The following SORCS1 variants were observed in gnomAD, a reference collection of about 807,000 sequenced individuals.
SORCS1 encodes VPS10 domain-containing receptor SorCS1.
SORCS1 carries 60 observed loss-of-function variants against 146.1 expected under a neutral mutation model. That is an observed-to-expected ratio of 0.41 (90% CI 0.33 to 0.51). The LOEUF (loss-of-function observed/expected upper bound fraction) is 0.51. Ranked by LOEUF, SORCS1 falls within the 20% of genes least tolerant of loss-of-function variation. The pLI is 0.21. For synonymous variants in SORCS1, 637 were observed against 584.0 expected (o/e 1.09, Z -1.31); for missense variants, 1,352 against 1,487.6 (o/e 0.91, Z 1.50).
the SORCS1 span, among the ~76,000 whole-genome samples, chr10:107,176,564 T>C: frequency 6.6e-6 from 1 of 152,042 alleles, no homozygotes; most frequent in African/African-American, 2.4e-5. Context: ...GGTCTTCAAC[T>C]CCTGGTCTCA....
At chr10:107,126,584 G>A (rs766666260) in intron 1 of SORCS1, among the ~76,000 whole-genome samples, 5 of 152,104 alleles carry the variant, frequency 3.3e-5, no homozygotes, top group Non-Finnish European at 7.4e-5. Flanking sequence ...CCTTTGGGAT[G>A]AAGTCAGAAA....
At chr10:107,018,214 G>A (rs1004349067) in intron 1 of SORCS1, among the ~76,000 whole-genome samples, 3 of 151,152 alleles carry the variant, frequency 2.0e-5, no homozygotes, top group Non-Finnish European at 2.9e-5. Context: ...CCGCTCCGTC[G>A]CCCAGGCTGG....
intron 2 of SORCS1, among the ~76,000 whole-genome samples, chr10:106,956,079 G>A (rs1438502154): frequency 4.0e-5 from 6 of 151,574 alleles, no homozygotes; most frequent in African/African-American, 7.3e-5. Flanking sequence ...GCGCTGAGCC[G>A]AGATGCGCCA....
intron 5 of SORCS1, 40 bp downstream of exon 5, chr10:106,761,548 G>A: frequency 6.4e-7 from 1 of 1,551,620 alleles, no homozygotes. Flanking sequence ...TATCTGACTA[G>A]GTCATATCTT....
At chr10:106,669,947 C>T (rs750704695) in intron 16 of SORCS1, among the ~76,000 whole-genome samples, 2 of 152,178 alleles carry the variant, frequency 1.3e-5, no homozygotes, top group Non-Finnish European at 2.9e-5. Context: ...TGTGTATGTA[C>T]ACAGTATCTC....
chr10:106,874,474 A>T (rs1179113389), intron 2 of SORCS1, among the ~76,000 whole-genome samples: 1 of 152,240 alleles, frequency 6.6e-6, no homozygotes, highest in Non-Finnish European at 1.5e-5. Flanking sequence ...ATACTCAATA[A>T]AACAAGCAAG....
intron 1 of SORCS1, among the ~76,000 whole-genome samples, chr10:107,136,766 GGTT>G (rs1429434926): frequency 9.9e-5 from 15 of 152,140 alleles, no homozygotes; most frequent in African/African-American, 3.6e-4. Context: ...AGGAGTACCA[GGTT>G]TCAAGCACAC....
At chr10:107,163,878 C>T in intron 1 of SORCS1, 91 bp downstream of exon 1, 8 of 1,418,496 alleles carry the variant, frequency 5.6e-6, no homozygotes, top group Non-Finnish European at 7.6e-6. Context: ...TCCAGAAACC[C>T]TATTTCCCCC....
chr10:106,933,754 G>A (rs1046884410), intron 2 of SORCS1, among the ~76,000 whole-genome samples: 2 of 152,048 alleles, frequency 1.3e-5, no homozygotes, highest in African/African-American at 4.8e-5. Flanking sequence ...TAGAGCACAC[G>A]GAGCATCATT....
intron 17 of SORCS1, among the ~76,000 whole-genome samples, chr10:106,664,973 C>T (rs1054353169): frequency 3.9e-5 from 6 of 151,962 alleles, no homozygotes; most frequent in African/African-American, 1.2e-4. Flanking sequence ...TCATTTTTTT[C>T]CTCCATGGTA....
At chr10:106,727,323 T>C (rs1856274228) in intron 6 of SORCS1, among the ~76,000 whole-genome samples, 1 of 152,204 alleles carries the variant, frequency 6.6e-6, no homozygotes, top group African/African-American at 2.4e-5. Context: ...TACATGTAGA[T>C]GCCATGGCAT....
chr10:106,994,973 G>T (rs111989057), intron 1 of SORCS1, among the ~76,000 whole-genome samples: 6 of 152,064 alleles, frequency 3.9e-5, no homozygotes, highest in Non-Finnish European at 7.4e-5. Context: ...ATAACTGAAC[G>T]TCGGAAAATA....
Position 107,037,767 on chromosome 10 carries a change from C to T in SORCS1, c.559-81187G>A, listed in dbSNP as rs535599045. ...AGAAACTTGCTCATCAAGAGCCAAA[C>T]CAAATTTCAAAGGGAGAAACTTTCT... is the stretch of plus-strand genomic sequence containing the variant. On this transcript the variant is annotated intron_variant, in intron 1 of 25. Transcript: ENST00000263054. Among the ~76,000 whole-genome samples the T allele has an allele frequency of 6.6e-5, 10 of 152,318 alleles. 1 individual carries two copies. Among genetic ancestry groups the T allele is most frequent in the African/African-American group, 2.4e-4 (10 of 41,562 alleles).
chr10:106,803,438 C>T lies in SORCS1; in HGVS notation c.726+26136G>A, dbSNP rs143856148. Among the ~76,000 whole-genome samples the T allele has an allele frequency of 2.0e-3, 299 of 152,234 alleles. 2 individuals are homozygous for T. The highest frequency in any genetic ancestry group is 7.1e-3 in the African/African-American group (294 of 41,540). On this transcript the variant is annotated intron_variant, in intron 3 of 25. Transcript: ENST00000263054. ...ATCAAATCATTCACCTACAGATAAA[C>T]GCAGAAACTTTGATGTCTAGCACTA...
At chr10:106,804,557 AC>A (rs536569173) in intron 3 of SORCS1, among the ~76,000 whole-genome samples, 135 of 152,156 alleles carry the variant, frequency 8.9e-4, no homozygotes, top group African/African-American at 3.0e-3. Flanking sequence ...CAGAACCATT[AC>A]AAAGAACAAA....
chr10:107,035,943 AATAT>A (rs1449941504), intron 1 of SORCS1, among the ~76,000 whole-genome samples: 1 of 149,034 alleles, frequency 6.7e-6, no homozygotes, highest in African/African-American at 2.4e-5. Flanking sequence ...ACATATATAT[AATAT>A]ATATAGTTTG....
In SORCS1 at chr10:106,671,326, C is replaced by A; in HGVS notation, c.2100G>T (p.Lys700Asn). The part of the protein sequence containing the change: ...CIMGAKRIYK[K>N]RKSERKCMQG... ...GCATACACTTCCGCTCTGATTTTCG[C>A]TTCTTATATATCCTTTTTGCTCCCA... Residue 700 changes from lysine to asparagine, a missense_variant, in exon 16 of 26, where the codon AAG (lysine) becomes AAT (asparagine). This residue lies in a region of SORCS1 where 648 missense variants were observed against 793.8 expected (regional missense o/e 0.82). Coordinates refer to ENST00000263054, the MANE Select transcript of SORCS1 (RefSeq NM_052918.5). 6.2e-7 allele frequency: 1 copy of A among 1,614,128 alleles called. No individual in the cohort carries two copies. Among genetic ancestry groups the A allele is most frequent in the Non-Finnish European group, 8.5e-7 (1 of 1,180,000 alleles).
At chr10:106,762,587 T>C (rs1041807289) in intron 4 of SORCS1, among the ~76,000 whole-genome samples, 5 of 151,142 alleles carry the variant, frequency 3.3e-5, no homozygotes, top group African/African-American at 9.7e-5. Context: ...TTAGTAGAGA[T>C]GGGGTTTCAC....
intron 2 of SORCS1, among the ~76,000 whole-genome samples, chr10:106,841,069 T>C (rs1180166429): frequency 2.7e-5 from 4 of 150,850 alleles, no homozygotes; most frequent in Non-Finnish European, 4.4e-5. Flanking sequence ...TTGGCCAAGA[T>C]GGTCTAGATC....
Sources: gnomAD v4.1 joint callset for allele counts (sites outside exome capture counted in the v4.1 genomes callset) on GRCh38, gnomAD v4.1.1 for gene constraint, gnomAD v4.1.1 regional missense constraint, MANE v1.5 for transcripts, NCBI Gene and HGNC (gene_info 2026-07-23, HGNC 2026-07-21) for gene names.